The following NRG2 variants were observed in gnomAD, a reference collection of about 807,000 sequenced individuals.
The protein encoded by NRG2 is pro-neuregulin-2, membrane-bound isoform.
Under a neutral mutation model 73.9 loss-of-function variants are expected in NRG2, and 27 were observed. That is an observed-to-expected ratio of 0.37 (90% CI 0.27 to 0.50). The LOEUF is 0.50. Ranked by LOEUF, NRG2 falls within the 20% of genes least tolerant of loss-of-function variation. The pLI is 0.96. For missense variants in NRG2, 1,126 were observed against 1,210.1 expected (o/e 0.93, Z 1.03); for synonymous variants, 532 against 541.0 (o/e 0.98, Z 0.23).
rs530843571 is a variant in NRG2, at chr5:139,978,215, C to G, written c.700+64155G>C. Among the ~76,000 whole-genome samples the G allele has an allele frequency of 2.6e-5, 4 of 152,292 alleles. No homozygotes were observed. In the South Asian group the frequency reaches 6.2e-4, roughly 24 times the overall value. ...ACTCATCTGACAAAGGGCTAATATC[C>G]AGCATCTACAATGAACTCCAACAAA... On this transcript the variant is annotated intron_variant, in intron 1 of 9. Coordinates refer to ENST00000361474, the MANE Select transcript of NRG2 (RefSeq NM_004883.3).
intron 1 of NRG2, among the ~76,000 whole-genome samples, chr5:140,021,011 T>C (rs909476417): frequency 5.9e-5 from 9 of 152,186 alleles, no homozygotes; most frequent in African/African-American, 1.9e-4. Context: ...AGACTGTGAG[T>C]AGGTTATGCA....
At chr5:139,952,046 G>A (rs1227845850) in intron 1 of NRG2, among the ~76,000 whole-genome samples, 2 of 152,178 alleles carry the variant, frequency 1.3e-5, no homozygotes, top group African/African-American at 4.8e-5. Flanking sequence ...CATGGGCAAG[G>A]GATTTAACCT....
chr5:139,971,918 T>C (rs890335845), intron 1 of NRG2, among the ~76,000 whole-genome samples: 1 of 152,060 alleles, frequency 6.6e-6, no homozygotes, highest in African/African-American at 2.4e-5. Flanking sequence ...AAACGTAGAA[T>C]AGCCAAGAAA....
chr5:140,042,969 C>T lies in NRG2; in HGVS notation c.101G>A (p.Ser34Asn). The T allele has an allele frequency of 6.5e-7, 1 of 1,542,860 alleles. No individual in the cohort carries two copies. Among genetic ancestry groups the T allele is most frequent in the Non-Finnish European group, 8.7e-7 (1 of 1,144,670 alleles). ...CTCGCTGCTGCTGCTGCTGCTGCTG[C>T]TGCTCCTCTCGCTGCTGCTGCTGCT... ...DSSSSSSERS[S>N]SSSSSSSESG... The change falls in exon 1 of 10, where the codon AGC becomes AAC. Residue 34 changes from serine to asparagine, a missense_variant. Physicochemically the swap from Ser to Asn is conservative, Grantham distance 46. Around this residue, in one of 3 missense-constraint regions of NRG2, gnomAD observed 185 missense variants for 149.0 expected, o/e 1.24. Transcript: ENST00000361474.
chr5:139,853,144 T>A lies in NRG2; in HGVS notation c.1293-117A>T. ...TCCTGCCCAGGGTGGCCATGGCTAC[T>A]GCTCGTCCCTGTACTCAAGCTGCCC... is the stretch of plus-strand genomic sequence containing the variant. On this transcript the variant is annotated intron_variant, in intron 6 of 9. Coordinates refer to ENST00000361474, the MANE Select transcript of NRG2 (RefSeq NM_004883.3). This position sits in a 1 kb window ranked among gnomAD's most constrained non-coding sequence, Gnocchi z 4.1. 1 of 1,383,316 alleles carries A rather than the reference T, an allele frequency of 7.2e-7. No homozygotes were observed. Among genetic ancestry groups the A allele is most frequent in the Non-Finnish European group, 1.0e-6 (1 of 1,003,724 alleles). The allele number at this position is 1,383,316 out of a possible 1,614,324, so 85.7% of individuals were successfully genotyped here.
chr5:140,022,516 A>C (rs908018662), intron 1 of NRG2, among the ~76,000 whole-genome samples: 10 of 152,226 alleles, frequency 6.6e-5, no homozygotes, highest in Admixed American at 6.5e-4. Flanking sequence ...GAAAGCATCC[A>C]ATAAACATTT....
intron 1 of NRG2, among the ~76,000 whole-genome samples, chr5:139,997,768 G>A (rs1383476060): frequency 6.6e-6 from 1 of 152,240 alleles, no homozygotes; most frequent in African/African-American, 2.4e-5. Flanking sequence ...TGTGAATCCT[G>A]CTTATCAAGA....
chr5:139,912,112 C>T (rs183526217), intron 1 of NRG2, among the ~76,000 whole-genome samples: 264 of 152,238 alleles, frequency 1.7e-3, no homozygotes, highest in African/African-American at 6.0e-3. Flanking sequence ...TCTCTCTATC[C>T]ATTCTGGGAG....
chr5:140,024,096 T>TC (rs1349717180), intron 1 of NRG2, among the ~76,000 whole-genome samples: 2 of 151,706 alleles, frequency 1.3e-5, no homozygotes, highest in Non-Finnish European at 2.9e-5. Context: ...ACAGGCTCCC[T>TC]CCCCCAAGAC....
chr5:139,964,356 A>G lies in NRG2; in HGVS notation c.701-76845T>C, dbSNP rs556605778. Among the ~76,000 whole-genome samples the G allele has an allele frequency of 4.4e-3, 605 of 136,894 alleles. 3 individuals carry two copies. Among genetic ancestry groups the G allele is most frequent in the African/African-American group, 0.018 (594 of 33,794 alleles). 89.8% of individuals were successfully genotyped at this position (136,894 alleles called of 152,430 possible). A position where few individuals can be genotyped will look rare whatever the true frequency, so the allele number is the denominator to read the frequency against. Reference sequence around the variant, plus strand: ...TGGTTAGTCATACACAGAAATACAGATACACACACACACACACACACACAC... The same window carrying G: ...TGGTTAGTCATACACAGAAATACAGGTACACACACACACACACACACACAC... On this transcript the variant is annotated intron_variant, in intron 1 of 9. Transcript: ENST00000361474.
intron 1 of NRG2, among the ~76,000 whole-genome samples, chr5:139,985,123 T>G (rs1272911867): frequency 6.6e-6 from 1 of 151,926 alleles, no homozygotes; most frequent in Non-Finnish European, 1.5e-5. Flanking sequence ...ATGGATCACT[T>G]GAAACCAGGA....
At chr5:139,956,152 A>G (rs1391620443) in intron 1 of NRG2, among the ~76,000 whole-genome samples, 2 of 151,976 alleles carry the variant, frequency 1.3e-5, no homozygotes, top group East Asian at 3.9e-4. Flanking sequence ...CCCCCACCCC[A>G]TTCACATGTG....
chr5:139,891,245 T>C (rs1764195329), intron 1 of NRG2, among the ~76,000 whole-genome samples: 2 of 152,158 alleles, frequency 1.3e-5, no homozygotes, highest in Non-Finnish European at 2.9e-5. Flanking sequence ...TTAGTGGTGA[T>C]GGTGATGGGC....
At chr5:139,941,874 A>G (rs527543858) in intron 1 of NRG2, among the ~76,000 whole-genome samples, 1 of 152,334 alleles carries the variant, frequency 6.6e-6, no homozygotes, top group Non-Finnish European at 1.5e-5. Context: ...GGAAGAGTGT[A>G]AAGCAGCTTG....
chr5:139,880,753 T>G (rs1581847280), intron 3 of NRG2, 103 bp downstream of exon 3: 1 of 740,412 alleles, frequency 1.4e-6, no homozygotes, highest in Non-Finnish European at 2.3e-6. Context: ...GGGAGGGGAG[T>G]TGAGTGCGAG....
Position 140,042,707 on chromosome 5 carries a change from C to A in NRG2, c.363G>T (p.Gln121His). 6.3e-7 allele frequency: 1 copy of A among 1,576,834 alleles called. No homozygotes were observed. The change falls in exon 1 of 10, where the codon CAG becomes CAT. Residue 121 changes from glutamine (Q) to histidine (H), a missense_variant. By Grantham distance (24) the Gln-to-His change is conservative (BLOSUM62 0). Coordinates refer to ENST00000361474, the MANE Select transcript of NRG2 (RefSeq NM_004883.3). ...ACYSPSLKSV[Q>H]DQAYKAPVVV... ...CCACGGGTGCCTTGTACGCCTGGTC[C>A]TGCACTGACTTGAGGCTGGGCGAGT...
chr5:139,860,010 C>A, intron 5 of NRG2: 2 of 1,224,806 alleles, frequency 1.6e-6, no homozygotes, highest in South Asian at 2.6e-5. Context: ...AAACGTTGGT[C>A]AGGACTCCTC....
chr5:139,869,233 AC>A lies in NRG2; in HGVS notation c.1112+2487del, dbSNP rs1762684090. ...TCCAACACTCCCTGCAGGGCTCTGA[AC>A]CAATACACAACAACAAGTGTAAGAA... On this transcript the variant is annotated intron_variant, in intron 4 of 9. Transcript: ENST00000361474. The surrounding 1 kb of genome is among the most constrained non-coding windows in gnomAD (Gnocchi z 4.5). 6.6e-6 allele frequency among the ~76,000 whole-genome samples: 1 copy of A among 152,142 alleles called. No individual in the cohort carries two copies. Among genetic ancestry groups the A allele is most frequent in the African/African-American group, 2.4e-5 (1 of 41,410 alleles).
chr5:139,917,345 G>A lies in NRG2; in HGVS notation c.701-29834C>T, dbSNP rs556183013. 2.2e-4 allele frequency among the ~76,000 whole-genome samples: 34 copies of A among 152,156 alleles called. No individual in the cohort carries two copies. In the South Asian group the frequency reaches 4.6e-3, roughly 20 times the overall value. ...CGGTTCACTGCAGCCTTGACCTCCC[G>A]GGCTCAAACGATCCTTCCACCTCAG... On this transcript the variant is annotated intron_variant, in intron 1 of 9. Transcript: ENST00000361474.
Sources: gnomAD v4.1 joint callset for allele counts (sites outside exome capture counted in the v4.1 genomes callset) on GRCh38, gnomAD v4.1.1 for gene constraint, gnomAD v4.1.1 regional missense constraint, Gnocchi (gnomAD v3.1) non-coding constraint, MANE v1.5 for transcripts, NCBI Gene and HGNC (gene_info 2026-07-23, HGNC 2026-07-21) for gene names.